The following NCAM2 variants were observed in gnomAD, a reference collection of about 807,000 sequenced individuals.
The protein encoded by NCAM2 is N-CAM-2.
NCAM2 carries 30 observed loss-of-function variants against 98.1 expected under a neutral mutation model. The ratio of observed to expected loss-of-function variants is 0.31; its 90% confidence interval spans 0.23 to 0.41. The LOEUF (loss-of-function observed/expected upper bound fraction) is 0.41. Among genes scored for constraint, NCAM2 ranks in the 10% least tolerant of loss-of-function variants. NCAM2 has a pLI of 1.00. For synonymous variants in NCAM2, 368 were observed against 342.4 expected, an observed-to-expected ratio of 1.07 and a Z score of -0.83; for missense variants, 867 against 1,005.8, an observed-to-expected ratio of 0.86 and a Z score of 1.87.
chr21:21,469,224 C>T (rs375193819), intron 14 of NCAM2, among the ~76,000 whole-genome samples: 4 of 151,936 alleles, frequency 2.6e-5, no homozygotes, highest in African/African-American at 7.2e-5. Flanking sequence ...AGAATGGCCA[C>T]GGTGAACTTG....
At chr21:21,185,211 G>T (rs1165520741) in intron 1 of NCAM2, among the ~76,000 whole-genome samples, 1 of 151,894 alleles carries the variant, frequency 6.6e-6, no homozygotes, top group Non-Finnish European at 1.5e-5. Flanking sequence ...TCAGATTTTT[G>T]GCTGAAATTA....
chr21:21,160,592 A>C (rs796380961), intron 1 of NCAM2, among the ~76,000 whole-genome samples: 8 of 152,154 alleles, frequency 5.3e-5, no homozygotes, highest in African/African-American at 1.9e-4. Flanking sequence ...CTGCAGTCTC[A>C]TATCAGTAAA....
At chr21:21,086,364 G>A (rs922377324) in intron 1 of NCAM2, among the ~76,000 whole-genome samples, 7 of 152,174 alleles carry the variant, frequency 4.6e-5, no homozygotes, top group Admixed American at 3.3e-4. Context: ...TCAACAGCTC[G>A]TTTTGCAGAC....
At chr21:21,400,819 T>A (rs1220171863) in intron 9 of NCAM2, among the ~76,000 whole-genome samples, 1 of 152,172 alleles carries the variant, frequency 6.6e-6, no homozygotes, top group Non-Finnish European at 1.5e-5. Flanking sequence ...AAATAATTAT[T>A]ATCCCAAGTG....
At position 21,465,618 on chromosome 21, in the gene NCAM2, G is replaced by T. The variant is rs537662671; in HGVS notation, c.1655-988G>T. Among the ~76,000 whole-genome samples, 44 of 151,650 alleles carry T rather than the reference G, an allele frequency of 2.9e-4. No individual in the cohort carries two copies. The South Asian group carries it at 6.5e-3, about 22-fold the overall frequency. On this transcript the variant is annotated intron_variant, in intron 12 of 17. Coordinates refer to ENST00000400546, the MANE Select transcript of NCAM2 (RefSeq NM_004540.5). ...TGTTATTGCATGTATATCATTTCTG[G>T]TCATGGTTTATGTAAAACTATAGTT...
chr21:21,471,171 C>T (rs888888686), intron 14 of NCAM2, among the ~76,000 whole-genome samples: 3 of 151,664 alleles, frequency 2.0e-5, no homozygotes, highest in Non-Finnish European at 4.4e-5. Context: ...CTTGTGCCTT[C>T]GGATACAGCC....
intron 1 of NCAM2, among the ~76,000 whole-genome samples, chr21:21,079,057 G>C (rs1215282273): frequency 6.6e-6 from 1 of 152,130 alleles, no homozygotes; most frequent in Non-Finnish European, 1.5e-5. Context: ...AGGGAAGGGA[G>C]AGCATCAGGA....
intron 15 of NCAM2, among the ~76,000 whole-genome samples, chr21:21,505,136 A>G (rs531561852): frequency 3.8e-4 from 58 of 152,190 alleles, no homozygotes; most frequent in Admixed American, 2.6e-4. Context: ...TAATAAGTTT[A>G]TAAAGTTAAT....
intron 12 of NCAM2, among the ~76,000 whole-genome samples, chr21:21,450,388 G>C (rs1980853255): frequency 6.7e-6 from 1 of 148,460 alleles, no homozygotes; most frequent in African/African-American, 2.5e-5. Flanking sequence ...CTATCACCCA[G>C]GCTGGGGTAC....
chr21:21,537,814 G>GA, intron 17 of NCAM2, 32 bp from the exon 18 acceptor site: 1 of 1,213,960 alleles, frequency 8.2e-7, no homozygotes, highest in Non-Finnish European at 1.2e-6. Context: ...AAATACCTCA[G>GA]AAAATGAAGC....
At chr21:21,402,438 T>C (rs1602230271) in intron 9 of NCAM2, among the ~76,000 whole-genome samples, 1 of 152,094 alleles carries the variant, frequency 6.6e-6, no homozygotes, top group South Asian at 2.1e-4. Context: ...CCTGGTAAAT[T>C]TGAGGTCAGA....
rs1481276521 is a variant in NCAM2, at chr21:21,332,655, T to C, written c.738-2850T>C. Among the ~76,000 whole-genome samples, 4 of 152,298 alleles carry C rather than the reference T, an allele frequency of 2.6e-5. No homozygotes were observed. In the South Asian group the frequency reaches 8.3e-4, roughly 32 times the overall value. On this transcript the variant is annotated intron_variant, in intron 6 of 17. Transcript: ENST00000400546. ...TAGCTCTGTTGTCTGTGCAGCTGTCTTCTCTCACATTATCTAACCTGCACC... is the reference window on the plus strand; with the variant it reads ...TAGCTCTGTTGTCTGTGCAGCTGTCCTCTCTCACATTATCTAACCTGCACC...
chr21:21,190,499 G>A (rs976392690), intron 1 of NCAM2, among the ~76,000 whole-genome samples: 7 of 152,118 alleles, frequency 4.6e-5, no homozygotes, highest in African/African-American at 1.7e-4. Context: ...CTTCTGGTTC[G>A]ACTCTGAGTC....
intron 1 of NCAM2, among the ~76,000 whole-genome samples, chr21:21,146,038 C>CA (rs933028061): frequency 6.6e-5 from 10 of 152,132 alleles, no homozygotes; most frequent in Non-Finnish European, 1.5e-4. Context: ...AACAGAGAAA[C>CA]ACGTTTTTTG....
At chr21:21,522,829 G>C (rs1024431118) in intron 16 of NCAM2, among the ~76,000 whole-genome samples, 2 of 151,476 alleles carry the variant, frequency 1.3e-5, no homozygotes, top group Admixed American at 6.6e-5. Context: ...GCGGGGTTTC[G>C]CCATGCTGGC....
intron 9 of NCAM2, among the ~76,000 whole-genome samples, chr21:21,402,158 C>G (rs776698545): frequency 2.0e-5 from 3 of 152,150 alleles, no homozygotes; most frequent in Non-Finnish European, 2.9e-5. Context: ...ACAGTAAGGT[C>G]TGACTGCCTG....
At chr21:21,211,352 T>C (rs1216673341) in intron 1 of NCAM2, among the ~76,000 whole-genome samples, 1 of 152,068 alleles carries the variant, frequency 6.6e-6, no homozygotes, top group Non-Finnish European at 1.5e-5. Context: ...ACATACTTTA[T>C]TTAATCCTTA....
At chr21:21,480,011 A>T (rs1985688477) in intron 15 of NCAM2, among the ~76,000 whole-genome samples, 1 of 152,054 alleles carries the variant, frequency 6.6e-6, no homozygotes, top group Non-Finnish European at 1.5e-5. Context: ...TACAGCACTG[A>T]CCCATGTCCC....
At chr21:21,201,105 G>A (rs1234623774) in intron 1 of NCAM2, among the ~76,000 whole-genome samples, 1 of 152,052 alleles carries the variant, frequency 6.6e-6, no homozygotes, top group Non-Finnish European at 1.5e-5. Flanking sequence ...CGTGTGTGCG[G>A]ATTACTAAGC....
Sources: allele counts gnomAD v4.1 joint callset (sites outside exome capture counted in the v4.1 genomes callset), GRCh38; gene constraint gnomAD v4.1.1; transcripts MANE v1.5; gene names NCBI Gene and HGNC (gene_info 2026-07-23, HGNC 2026-07-21).